TENM3: variants seen among roughly 807,000 people sequenced by gnomAD.
The protein encoded by TENM3 is teneurin-3.
TENM3 carries 63 observed loss-of-function variants against 255.1 expected under a neutral mutation model. The observed-to-expected ratio is 0.25, with a 90% CI of 0.20 to 0.30. The LOEUF (loss-of-function observed/expected upper bound fraction) is 0.30, where lower values mean the gene tolerates loss of function less well. Among genes scored for constraint, TENM3 ranks in the 10% least tolerant of loss-of-function variants. TENM3 has a pLI of 1.00. For synonymous variants in TENM3, 1,306 were observed against 1,322.3 expected, an observed-to-expected ratio of 0.99 and a Z score of 0.27; for missense variants, 2,929 against 3,461.1, an observed-to-expected ratio of 0.85 and a Z score of 3.86.
intron 3 of TENM3, among the ~76,000 whole-genome samples, chr4:182,570,796 A>G (rs1177871781): frequency 6.6e-6 from 1 of 151,736 alleles, no homozygotes; most frequent in African/African-American, 2.4e-5. Flanking sequence ...CACCACTGCA[A>G]TCCAGCCTGG....
chr4:182,775,978 AT>A (rs1296064642), intron 24 of TENM3, among the ~76,000 whole-genome samples: 2 of 152,002 alleles, frequency 1.3e-5, no homozygotes, highest in Admixed American at 6.6e-5. Context: ...AGATAGATAG[AT>A]TATATATATA....
chr4:182,406,135 G>A (rs926587208), intron 3 of TENM3, among the ~76,000 whole-genome samples: 1 of 152,000 alleles, frequency 6.6e-6, no homozygotes, highest in Non-Finnish European at 1.5e-5. Context: ...ATGAAACCCT[G>A]TCTCTACCAA....
At chr4:181,812,716 G>A in the TENM3 span, among the ~76,000 whole-genome samples, 1,775 of 152,254 alleles carry the variant, frequency 0.012, 41 homozygotes, top group African/African-American at 0.04. Flanking sequence ...GGTCACATGA[G>A]AGGTTGGATA....
chr4:181,978,729 A>G, the TENM3 span, among the ~76,000 whole-genome samples: 2 of 151,690 alleles, frequency 1.3e-5, no homozygotes, highest in Non-Finnish European at 1.5e-5. Flanking sequence ...TCAGGAGGAA[A>G]GAAAGAATAT....
chr4:182,102,615 G>A, the TENM3 span, among the ~76,000 whole-genome samples: 1 of 152,140 alleles, frequency 6.6e-6, no homozygotes. Context: ...CGTGTCTGTG[G>A]ATAAATAATT....
chr4:182,674,682 C>T (rs1755516042), intron 7 of TENM3, among the ~76,000 whole-genome samples: 1 of 151,482 alleles, frequency 6.6e-6, no homozygotes, highest in South Asian at 2.1e-4. Flanking sequence ...CTCAGGTGAT[C>T]CTTCCACCCC....
chr4:181,697,148 A>C, the TENM3 span, among the ~76,000 whole-genome samples: 1 of 152,202 alleles, frequency 6.6e-6, no homozygotes, highest in Non-Finnish European at 1.5e-5. Context: ...AGAATCTTCA[A>C]ACGAAATGCT....
chr4:182,213,512 C>G (rs529571481), intron 1 of TENM3, among the ~76,000 whole-genome samples: 19 of 152,122 alleles, frequency 1.2e-4, no homozygotes, highest in Non-Finnish European at 2.8e-4. Context: ...GTGGTTGTTT[C>G]AAATGTGCTT....
the TENM3 span, among the ~76,000 whole-genome samples, chr4:181,542,286 G>A: frequency 6.6e-6 from 1 of 152,158 alleles, no homozygotes; most frequent in Non-Finnish European, 1.5e-5. Flanking sequence ...CTGGAGAGCA[G>A]CGAGCCAGAC....
At chr4:182,606,909 G>T (rs1283406209) in intron 4 of TENM3, among the ~76,000 whole-genome samples, 2 of 152,166 alleles carry the variant, frequency 1.3e-5, no homozygotes, top group Non-Finnish European at 2.9e-5. Flanking sequence ...AAACCTGGTG[G>T]ATATAGTAGG....
intron 1 of TENM3, among the ~76,000 whole-genome samples, chr4:182,208,357 A>G (rs912486762): frequency 3.3e-5 from 5 of 152,204 alleles, no homozygotes; most frequent in Non-Finnish European, 7.3e-5. Context: ...AAGAGCAACA[A>G]TTACTTCTCA....
the TENM3 span, among the ~76,000 whole-genome samples, chr4:181,624,912 G>T: frequency 0.12 from 18,520 of 152,164 alleles, 1,287 homozygotes; most frequent in South Asian, 0.23. Context: ...TGCCTGGCTT[G>T]CTTTCTCCTC....
the TENM3 span, among the ~76,000 whole-genome samples, chr4:182,119,375 T>C: frequency 1.3e-5 from 2 of 152,062 alleles, no homozygotes; most frequent in East Asian, 1.9e-4. Flanking sequence ...CTCGACTGAG[T>C]CTCCGTGGAG....
chr4:182,030,174 C>G, the TENM3 span, among the ~76,000 whole-genome samples: 1 of 151,842 alleles, frequency 6.6e-6, no homozygotes, highest in Admixed American at 6.6e-5. Flanking sequence ...CCTATCAACC[C>G]GTTACCTATG....
the TENM3 span, among the ~76,000 whole-genome samples, chr4:181,792,268 A>C: frequency 2.0e-5 from 3 of 152,238 alleles, no homozygotes; most frequent in Non-Finnish European, 4.4e-5. Flanking sequence ...ACTGCTTGTA[A>C]ATAGGAAAAC....
At chr4:181,477,463 T>C in the TENM3 span, among the ~76,000 whole-genome samples, 1 of 152,288 alleles carries the variant, frequency 6.6e-6, no homozygotes, top group Non-Finnish European at 1.5e-5. Context: ...GAATAAACTT[T>C]CTTGGATTTT....
intron 19 of TENM3, chr4:182,744,027 A>G (rs1015615716): frequency 4.3e-6 from 3 of 690,616 alleles, no homozygotes; most frequent in Admixed American, 6.2e-5. Context: ...GCAATTTTCC[A>G]TACAAATAAT....
At chr4:182,587,168 G>A (rs1052006820) in intron 3 of TENM3, among the ~76,000 whole-genome samples, 5 of 151,944 alleles carry the variant, frequency 3.3e-5, no homozygotes, top group Non-Finnish European at 7.4e-5. Flanking sequence ...ATGGCTCACC[G>A]TAGCCTCAAC....
chr4:182,526,841 GTGA>G (rs1295189440), intron 3 of TENM3, among the ~76,000 whole-genome samples: 2 of 152,162 alleles, frequency 1.3e-5, no homozygotes, highest in Admixed American at 6.5e-5. Flanking sequence ...GTTGAATTGT[GTGA>G]TGATAGTCCT....
Sources: gnomAD v4.1 joint callset for allele counts (sites outside exome capture counted in the v4.1 genomes callset) on GRCh38, gnomAD v4.1.1 for gene constraint, MANE v1.5 for transcripts, NCBI Gene and HGNC (gene_info 2026-07-23, HGNC 2026-07-21) for gene names.